The following CADPS variants were observed in gnomAD, a reference collection of about 807,000 sequenced individuals.
CADPS encodes the protein calcium-dependent secretion activator 1.
A neutral mutation model predicts 167.3 loss-of-function variants in CADPS; 57 were observed. The observed-to-expected ratio is 0.34, with a 90% confidence interval of 0.28 to 0.42. The LOEUF is 0.42. CADPS is among the 20% of genes least tolerant of loss of function. The pLI, the probability that CADPS is intolerant of heterozygous loss-of-function variation, is 1.00. For missense variants in CADPS, 1,414 were observed against 1,738.1 expected (o/e 0.81, Z 3.32); for synonymous variants, 676 against 635.3 (o/e 1.06, Z -0.96).
At chr3:62,856,313 A>G (rs2079674775) in intron 1 of CADPS, among the ~76,000 whole-genome samples, 1 of 152,150 alleles carries the variant, frequency 6.6e-6, no homozygotes, top group African/African-American at 2.4e-5. Flanking sequence ...TGTATGTTGA[A>G]AACTACAAAA....
intron 9 of CADPS, among the ~76,000 whole-genome samples, chr3:62,563,494 G>A (rs1163900225): frequency 1.3e-5 from 2 of 152,118 alleles, no homozygotes; most frequent in South Asian, 2.1e-4. Context: ...GGTTCTATCT[G>A]AGTAATTCAG....
At chr3:62,466,566 C>T in intron 24 of CADPS, 153 bp from the exon 25 acceptor site, 1 of 685,888 alleles carries the variant, frequency 1.5e-6, no homozygotes, top group Admixed American at 2.1e-5. Flanking sequence ...GATCCTGACT[C>T]CAGTTCTTTG....
chr3:62,452,018 G>C (rs2058122894), intron 26 of CADPS, among the ~76,000 whole-genome samples: 1 of 152,050 alleles, frequency 6.6e-6, no homozygotes, highest in Non-Finnish European at 1.5e-5. Flanking sequence ...TACACTACCT[G>C]GTATATAGTA....
intron 1 of CADPS, among the ~76,000 whole-genome samples, chr3:62,812,814 G>T (rs184632359): frequency 5.2e-4 from 79 of 152,252 alleles, no homozygotes; most frequent in African/African-American, 1.8e-3. Context: ...GCCTCTCCAG[G>T]CAAATGATTT....
intron 1 of CADPS, among the ~76,000 whole-genome samples, chr3:62,793,817 A>G (rs951960682): frequency 6.6e-6 from 1 of 152,164 alleles, no homozygotes; most frequent in East Asian, 1.9e-4. Flanking sequence ...TTGTTTGATG[A>G]TTTTGTTCCT....
chr3:62,509,566 C>T (rs1377816962), intron 17 of CADPS, among the ~76,000 whole-genome samples: 2 of 152,110 alleles, frequency 1.3e-5, no homozygotes, highest in Non-Finnish European at 2.9e-5. Flanking sequence ...TACAAAACCT[C>T]AACATCACAC....
intron 1 of CADPS, among the ~76,000 whole-genome samples, chr3:62,787,033 T>TCTG (rs2092511082): frequency 6.6e-6 from 1 of 152,018 alleles, no homozygotes; most frequent in Non-Finnish European, 1.5e-5. Context: ...GTGGCTCATG[T>TCTG]CTGTAATCTC....
At position 62,702,285 on chromosome 3, in the gene CADPS, C is replaced by A. The variant is rs951716639; in HGVS notation, c.889-39891G>T. On this transcript the variant is annotated intron_variant, in intron 3 of 29. Coordinates refer to ENST00000383710, the MANE Select transcript of CADPS (RefSeq NM_003716.4). ...ATTGATGCATGCAAACATTTGAATG[C>A]TTATTATAAGCCAAAGATTGTGGGA... 9.9e-5 allele frequency among the ~76,000 whole-genome samples: 15 copies of A among 152,096 alleles called. 1 individual carries two copies. Among genetic ancestry groups the A allele is most frequent in the African/African-American group, 3.6e-4 (15 of 41,396 alleles).
At chr3:62,496,162 G>T (rs2064752857) in intron 18 of CADPS, among the ~76,000 whole-genome samples, 1 of 151,288 alleles carries the variant, frequency 6.6e-6, no homozygotes, top group South Asian at 2.1e-4. Flanking sequence ...TTTTCTTTTG[G>T]GGAAGAAAAA....
intron 26 of CADPS, among the ~76,000 whole-genome samples, chr3:62,448,564 C>A (rs2057557092): frequency 6.6e-6 from 1 of 151,596 alleles, no homozygotes; most frequent in Non-Finnish European, 1.5e-5. Flanking sequence ...AAATTGTGGT[C>A]TATTATTATT....
intron 1 of CADPS, among the ~76,000 whole-genome samples, chr3:62,812,164 A>T (rs1236825206): frequency 4.6e-5 from 7 of 152,196 alleles, no homozygotes; most frequent in Admixed American, 4.6e-4. Context: ...AAGGAGATAC[A>T]CAAAAATATT....
chr3:62,409,931 A>G (rs2048635029), intron 28 of CADPS, among the ~76,000 whole-genome samples: 1 of 152,250 alleles, frequency 6.6e-6, no homozygotes. Context: ...AAATCCAGTG[A>G]AAATAGTCTA....
intron 6 of CADPS, among the ~76,000 whole-genome samples, chr3:62,599,621 TATATAATATAATAAATATAATATATA>T (rs2059433040): frequency 2.1e-5 from 1 of 47,694 alleles, no homozygotes; most frequent in Non-Finnish European, 3.6e-5. Flanking sequence ...TTATATATAA[TATATAATATAATAAATATAATATATA>T]ATATATAATA....
chr3:62,780,478 T>C (rs2091359840), intron 1 of CADPS, among the ~76,000 whole-genome samples: 1 of 152,064 alleles, frequency 6.6e-6, no homozygotes, highest in African/African-American at 2.4e-5. Context: ...TGTCACCTAG[T>C]TTGTGATGAA....
chr3:62,760,249 G>GTA (rs930868535), intron 2 of CADPS, among the ~76,000 whole-genome samples: 11 of 151,892 alleles, frequency 7.2e-5, no homozygotes, highest in Non-Finnish European at 1.5e-5. Context: ...AACTGTCCAG[G>GTA]TATATATATT....
chr3:62,484,962 C>T (rs1317692091), intron 21 of CADPS, among the ~76,000 whole-genome samples: 2 of 152,072 alleles, frequency 1.3e-5, no homozygotes, highest in Admixed American at 6.6e-5. Context: ...GGTCTAATCC[C>T]TACTTTGGGG....
At chr3:62,756,204 C>T (rs1046749105) in intron 2 of CADPS, among the ~76,000 whole-genome samples, 6 of 152,210 alleles carry the variant, frequency 3.9e-5, no homozygotes, top group Admixed American at 2.6e-4. Context: ...AGGCATCTGC[C>T]ACCATCCCCA....
At chr3:62,453,067 A>G (rs1316668798) in intron 26 of CADPS, among the ~76,000 whole-genome samples, 2 of 152,206 alleles carry the variant, frequency 1.3e-5, no homozygotes, top group African/African-American at 4.8e-5. Context: ...CAGGAGTTCG[A>G]AGCTGCGGTG....
chr3:62,513,726 C>T (rs1323277893), intron 16 of CADPS: 2 of 1,538,512 alleles, frequency 1.3e-6, no homozygotes, highest in Admixed American at 1.8e-5. Flanking sequence ...AGGATTTGGG[C>T]ATGCAAGAGG....
Sources: gnomAD v4.1 joint callset for allele counts (sites outside exome capture counted in the v4.1 genomes callset) on GRCh38, gnomAD v4.1.1 for gene constraint, MANE v1.5 for transcripts, NCBI Gene and HGNC (gene_info 2026-07-23, HGNC 2026-07-21) for gene names.